GAS2L3: variants seen among roughly 807,000 people sequenced by gnomAD.
The protein encoded by GAS2L3 is growth arrest specific 2 like 3.
In GAS2L3, 28 loss-of-function variants were observed where a neutral mutation model predicts 37.0. The observed-to-expected ratio is 0.76, with a 90% CI of 0.56 to 1.04. GAS2L3 has a LOEUF of 1.04. GAS2L3 is among the 50% of genes least tolerant of loss of function. The probability of loss-of-function intolerance (pLI) is 0.00; values close to 1 mark genes in which losing one functional copy is unlikely to be tolerated. For missense variants in GAS2L3, 793 were observed against 817.6 expected (o/e 0.97, Z 0.37); for synonymous variants, 290 against 296.6 (o/e 0.98, Z 0.23).
At chr12:100,606,928 T>C (rs967306943) in intron 5 of GAS2L3, among the ~76,000 whole-genome samples, 3 of 152,168 alleles carry the variant, frequency 2.0e-5, no homozygotes, top group East Asian at 3.8e-4. Context: ...TACAGTGTTA[T>C]AGTATTTTGT....
At chr12:100,575,267 G>C (rs988194851) in intron 1 of GAS2L3, among the ~76,000 whole-genome samples, 2 of 151,792 alleles carry the variant, frequency 1.3e-5, no homozygotes, top group African/African-American at 4.8e-5. Context: ...ATGGGGAGAG[G>C]TAGAAGGTGA....
In GAS2L3 at chr12:100,579,180, G is replaced by T. The variant is rs1955676383; in HGVS notation, c.-152+5395G>T. On this transcript the variant is annotated intron_variant, in intron 1 of 9. Transcript: ENST00000547754. ...GTTCTCTTCCATGCCAAGACAATGGGGCTTCAAACAGTCTTAACAGACCAT... is the reference window on the plus strand; with the variant it reads ...GTTCTCTTCCATGCCAAGACAATGGTGCTTCAAACAGTCTTAACAGACCAT... The T allele has an allele frequency of 7.6e-6, 5 of 656,018 alleles. No individual in the cohort carries two copies. The South Asian group carries it at 8.4e-5, about 11-fold the overall frequency. The allele number at this position is 656,018 out of a possible 1,614,324, so 40.6% of individuals were successfully genotyped here. A position where few individuals can be genotyped will look rare whatever the true frequency, so the allele number is the denominator to read the frequency against.
chr12:100,610,352 C>T (rs990753014), intron 5 of GAS2L3, among the ~76,000 whole-genome samples: 3 of 152,172 alleles, frequency 2.0e-5, no homozygotes, highest in African/African-American at 7.2e-5. Context: ...ATGTCTACAA[C>T]ATATCATTTC....
At chr12:100,589,807 A>G (rs936824710) in intron 1 of GAS2L3, among the ~76,000 whole-genome samples, 3 of 152,200 alleles carry the variant, frequency 2.0e-5, no homozygotes, top group African/African-American at 4.8e-5. Flanking sequence ...AAAGCAAACA[A>G]AAACATAAAG....
chr12:100,615,802 G>A (rs1239455739), intron 6 of GAS2L3, among the ~76,000 whole-genome samples: 1 of 152,110 alleles, frequency 6.6e-6, no homozygotes, highest in Admixed American at 6.5e-5. Context: ...GTACATAAAT[G>A]TATGGGTTTA....
chr12:100,585,595 C>G (rs1388235619), intron 1 of GAS2L3, among the ~76,000 whole-genome samples: 1 of 152,122 alleles, frequency 6.6e-6, no homozygotes, highest in Non-Finnish European at 1.5e-5. Context: ...TATCCAGCTT[C>G]AGGTTGTTCA....
rs762574350 is a variant in GAS2L3 at position 100,628,020 on chromosome 12, T to C, written c.*3130T>C. ...AATTGGATGACCTCTAACTTTACTG[T>C]CCATATGGAGTTTGTCATTCTTTAT... On this transcript the variant is annotated 3_prime_UTR_variant, in exon 10 of 10. Transcript: ENST00000547754. 6.6e-5 allele frequency: 10 copies of C among 152,180 alleles called. No individual in the cohort carries two copies. Among genetic ancestry groups the C allele is most frequent in the Non-Finnish European group, 1.3e-4 (9 of 68,034 alleles). The allele number at this position is 152,180 out of a possible 1,614,324, so 9.4% of individuals were successfully genotyped here.
In GAS2L3 at chr12:100,626,497, G is replaced by T. The variant is rs1035137167; in HGVS notation, c.*1607G>T. The T allele has an allele frequency of 6.6e-6, 1 of 152,174 alleles. No homozygotes were observed. Among genetic ancestry groups the T allele is most frequent in the Non-Finnish European group, 1.5e-5 (1 of 68,016 alleles). The allele number at this position is 152,174 out of a possible 1,614,324, so 9.4% of individuals were successfully genotyped here. ...GATGATATATACATCTTTGGAAAGT[G>T]AAGTCAATGTTCAAGAGGTGATAGA... On this transcript the variant is annotated 3_prime_UTR_variant, in exon 10 of 10. Transcript: ENST00000547754.
chr12:100,617,435 A>T (rs746353018), intron 6 of GAS2L3, among the ~76,000 whole-genome samples: 4 of 152,154 alleles, frequency 2.6e-5, no homozygotes, highest in Non-Finnish European at 5.9e-5. Context: ...ATATCTTTTA[A>T]TGGTATCTCT....
chr12:100,608,989 C>A (rs79814336), intron 5 of GAS2L3, among the ~76,000 whole-genome samples: 11 of 152,318 alleles, frequency 7.2e-5, no homozygotes, highest in Admixed American at 2.6e-4. Flanking sequence ...CCACTGCTAA[C>A]AGAACCCAAG....
At chr12:100,576,074 A>G (rs1955633279) in intron 1 of GAS2L3, among the ~76,000 whole-genome samples, 1 of 152,224 alleles carries the variant, frequency 6.6e-6, no homozygotes, top group African/African-American at 2.4e-5. Context: ...AGTAAAAAAA[A>G]CAGTGATATT....
Position 100,622,385 on chromosome 12 carries a change from AAG to A in GAS2L3, c.756+4_756+5del. On this transcript the variant is annotated splice_donor_5th_base_variant and intron_variant, in intron 9 of 9. Transcript: ENST00000547754. The stretch of plus-strand genomic sequence containing the variant: ...GGGATAAAATACTCTTTATAAGAGT[AAG>A]TCCATTATTTACACTTTATTTACAC... 7.3e-7 allele frequency: 1 copy of A among 1,371,518 alleles called. No individual in the cohort carries two copies. The highest frequency in any genetic ancestry group is 1.4e-5 in the African/African-American group (1 of 69,898). 85.0% of individuals were successfully genotyped at this position (1,371,518 alleles called of 1,614,324 possible).
At position 100,624,061 on chromosome 12, in the gene GAS2L3, C is replaced by T. The variant is rs148236676; in HGVS notation, c.1256C>T (p.Pro419Leu). ...CCAGTAGGTAAAAACACTTCTTCAC[C>T]AGCTTTACCAAGAACTGCACCTTGT... ...LNPVGKNTSS[P>L]ALPRTAPCIS... Residue 419 changes from proline (P) to leucine (L), a missense_variant, in exon 10 of 10, where the codon CCA (proline) becomes CTA (leucine). Coordinates refer to ENST00000547754, the MANE Select transcript of GAS2L3 (RefSeq NM_174942.3). 8.5e-3 allele frequency: 13,670 copies of T among 1,613,952 alleles called. 88 individuals are homozygous for T. Among genetic ancestry groups the T allele is most frequent in the Non-Finnish European group, 1.0e-2 (11,753 of 1,179,982 alleles).
At chr12:100,617,655 C>CT in intron 6 of GAS2L3, 89 bp from the exon 7 acceptor site, 2 of 816,250 alleles carry the variant, frequency 2.5e-6, no homozygotes, top group East Asian at 2.5e-5. Flanking sequence ...CTTCATTATT[C>CT]TTTTTTATTT....
chr12:100,577,891 G>A (rs1205984967), intron 1 of GAS2L3, among the ~76,000 whole-genome samples: 5 of 152,188 alleles, frequency 3.3e-5, no homozygotes, highest in African/African-American at 7.2e-5. Flanking sequence ...CGCTTAGAAG[G>A]ATCTTTAACA....
At position 100,624,459 on chromosome 12, in the gene GAS2L3, C is replaced by T; in HGVS notation, c.1654C>T (p.Gln552Ter). 6.2e-7 allele frequency: 1 copy of T among 1,614,064 alleles called. No individual in the cohort carries two copies. The highest frequency in any genetic ancestry group is 8.5e-7 in the Non-Finnish European group (1 of 1,180,026). The part of the protein sequence containing the change: ...GAPQAKPVPA[Q>*]KLKSALNLNQ... ...CCCACAAGCAAAGCCAGTCCCAGCACAGAAACTTAAATCGGCCTTGAATTT... is the reference window on the plus strand; with the variant it reads ...CCCACAAGCAAAGCCAGTCCCAGCATAGAAACTTAAATCGGCCTTGAATTT... The change falls in exon 10 of 10, where the codon CAG (glutamine) becomes TAG (stop). Residue 552 changes from glutamine to a stop codon, truncating the protein, a stop_gained. Transcript: ENST00000547754. LOFTEE classifies it low-confidence loss of function (END_TRUNC).
chr12:100,588,342 G>A (rs1955805916), intron 1 of GAS2L3, among the ~76,000 whole-genome samples: 1 of 152,180 alleles, frequency 6.6e-6, no homozygotes. Flanking sequence ...GGCCTGTGAT[G>A]CCCTCCTGAG....
chr12:100,576,789 A>C (rs1254485794), intron 1 of GAS2L3, among the ~76,000 whole-genome samples: 1 of 152,212 alleles, frequency 6.6e-6, no homozygotes, highest in Non-Finnish European at 1.5e-5. Flanking sequence ...CATGTATTTC[A>C]TAAGGGTGTT....
rs1956263627 is a variant in GAS2L3 at position 100,622,271 on chromosome 12, T to C, written c.649-4T>C. 3 of 1,501,010 alleles carry C rather than the reference T, an allele frequency of 2.0e-6. No individual in the cohort carries two copies. The highest frequency in any genetic ancestry group is 1.8e-6 in the Non-Finnish European group (2 of 1,086,752). The allele number at this position is 1,501,010 out of a possible 1,614,324, so 93.0% of individuals were successfully genotyped here. ...CACTAAATTTTATTTGTTCGTCATC[T>C]TAGGTTAAACATATTGCTGAGGACC... On this transcript the variant is annotated splice_polypyrimidine_tract_variant and splice_region_variant and intron_variant, in intron 8 of 9. Transcript: ENST00000547754.
Sources: gnomAD v4.1 joint callset for allele counts (sites outside exome capture counted in the v4.1 genomes callset) on GRCh38, gnomAD v4.1.1 for gene constraint, MANE v1.5 for transcripts, NCBI Gene and HGNC (gene_info 2026-07-23, HGNC 2026-07-21) for gene names.